Variants in SIAH3 observed in about 807,000 individuals in gnomAD.
SIAH3 encodes the protein siah E3 ubiquitin protein ligase family member 3, also known as seven in absentia homolog 3.
In SIAH3, 9 loss-of-function variants were observed where a neutral mutation model predicts 12.6. That is an observed-to-expected ratio of 0.72 (90% CI 0.43 to 1.25). The LOEUF (loss-of-function observed/expected upper bound fraction) is 1.25, where lower values mean the gene tolerates loss of function less well. Among genes scored for constraint, SIAH3 ranks in the 50% most tolerant of loss-of-function variants. The pLI, the probability that SIAH3 is intolerant of heterozygous loss-of-function variation, is 0.00. For synonymous variants in SIAH3, 154 were observed against 151.1 expected (o/e 1.02, Z -0.14); for missense variants, 390 against 365.4 (o/e 1.07, Z -0.55).
intron 1 of SIAH3, among the ~76,000 whole-genome samples, chr13:45,848,210 C>G (rs1348636482): frequency 1.3e-5 from 2 of 152,144 alleles, no homozygotes; most frequent in African/African-American, 4.8e-5. Context: ...AGAGCTGGCT[C>G]CTTGACGGTC....
At chr13:45,789,167 G>C (rs1342865277) in intron 1 of SIAH3, among the ~76,000 whole-genome samples, 5 of 152,158 alleles carry the variant, frequency 3.3e-5, no homozygotes, top group Non-Finnish European at 7.3e-5. Flanking sequence ...ACAACAGTAA[G>C]GCTTTTACCA....
intron 1 of SIAH3, among the ~76,000 whole-genome samples, chr13:45,792,840 T>C (rs9534215): frequency 0.46 from 70,115 of 152,052 alleles, 17,192 homozygotes; most frequent in Non-Finnish European, 0.56. Flanking sequence ...CTGCCCTGTC[T>C]CTATTCTTTG....
chr13:45,806,321 C>T lies in SIAH3; in HGVS notation c.136-22264G>A, dbSNP rs536670229. On this transcript the variant is annotated intron_variant, in intron 1 of 1. Transcript: ENST00000400405. Reference sequence around the variant, plus strand: ...GCAAAGACATGGAATCAACCCAGGTCCCCATCAATGGTGGACTGGATAAAG... The same window carrying T: ...GCAAAGACATGGAATCAACCCAGGTTCCCATCAATGGTGGACTGGATAAAG... 4.6e-5 allele frequency among the ~76,000 whole-genome samples: 7 copies of T among 152,196 alleles called. No individual in the cohort carries two copies. In the East Asian group the frequency reaches 1.2e-3, roughly 25 times the overall value.
chr13:45,851,368 G>T, intron 1 of SIAH3, 127 bp downstream of exon 1: 1 of 1,300,250 alleles, frequency 7.7e-7, no homozygotes, highest in Non-Finnish European at 1.1e-6. Context: ...CCGGGTTCCA[G>T]ACACCGTCCC....
intron 1 of SIAH3, 136 bp downstream of exon 1, chr13:45,851,359 C>T (rs1950780988): frequency 3.4e-6 from 4 of 1,161,748 alleles, no homozygotes; most frequent in Non-Finnish European, 3.7e-6. Context: ...GCAAACACGC[C>T]GGGTTCCAGA....
At chr13:45,820,925 C>T (rs1440065907) in intron 1 of SIAH3, among the ~76,000 whole-genome samples, 6 of 152,342 alleles carry the variant, frequency 3.9e-5, no homozygotes, top group East Asian at 1.9e-4. Context: ...TCCCCACCTC[C>T]GTCCTCCCCA....
intron 1 of SIAH3, among the ~76,000 whole-genome samples, chr13:45,798,349 G>A (rs1317974635): frequency 2.6e-5 from 4 of 152,154 alleles, no homozygotes; most frequent in Admixed American, 6.5e-5. Flanking sequence ...ATCACGCAAC[G>A]AATATAAATT....
chr13:45,812,453 T>A (rs571749876), intron 1 of SIAH3, among the ~76,000 whole-genome samples: 8,870 of 152,228 alleles, frequency 0.058, 879 homozygotes, highest in African/African-American at 0.2. Flanking sequence ...GAGGTTAAAA[T>A]TAGTGCCTGC....
At chr13:45,810,532 A>G (rs1950612964) in intron 1 of SIAH3, among the ~76,000 whole-genome samples, 1 of 152,130 alleles carries the variant, frequency 6.6e-6, no homozygotes, top group South Asian at 2.1e-4. Context: ...GGAAATAGAA[A>G]AATGTGGTGA....
chr13:45,839,603 T>C (rs998993332), intron 1 of SIAH3, among the ~76,000 whole-genome samples: 11 of 152,142 alleles, frequency 7.2e-5, no homozygotes, highest in Middle Eastern at 3.4e-3. Flanking sequence ...GAGGCCAAGG[T>C]GGGTGGATCA....
chr13:45,837,361 C>T (rs1950721378), intron 1 of SIAH3, among the ~76,000 whole-genome samples: 1 of 152,066 alleles, frequency 6.6e-6, no homozygotes, highest in Admixed American at 6.6e-5. Flanking sequence ...TTCTCATTCC[C>T]AGAGGTTCTT....
chr13:45,835,508 C>A (rs539382199), intron 1 of SIAH3, among the ~76,000 whole-genome samples: 1 of 152,290 alleles, frequency 6.6e-6, no homozygotes, highest in East Asian at 1.9e-4. Flanking sequence ...ATTATATTAA[C>A]TCATTTAGTC....
Position 45,783,578 on chromosome 13 carries a change from G to A in SIAH3, c.615C>T (p.Leu205=). ...QADCFTYRLE[L]NRNHRRLKWE... ...ACTTGAGGCGCCGATGGTTTCTGTT[G>A]AGCTCCAGGCGATAGGTGAAGCAGT... Residue 205 remains leucine (L), a synonymous_variant, in exon 2 of 2, where the codon CTC becomes CTT. Transcript: ENST00000400405. 2 of 1,614,210 alleles carry A rather than the reference G, an allele frequency of 1.2e-6. No individual in the cohort carries two copies. Among genetic ancestry groups the A allele is most frequent in the South Asian group, 1.1e-5 (1 of 91,082 alleles).
intron 1 of SIAH3, among the ~76,000 whole-genome samples, chr13:45,800,616 T>C (rs934599688): frequency 1.3e-5 from 2 of 152,194 alleles, no homozygotes; most frequent in African/African-American, 4.8e-5. Context: ...CAGCCAGGCC[T>C]TATTCGCTGA....
intron 1 of SIAH3, among the ~76,000 whole-genome samples, chr13:45,820,576 T>C (rs1416099186): frequency 1.3e-5 from 2 of 152,186 alleles, no homozygotes; most frequent in Non-Finnish European, 2.9e-5. Flanking sequence ...TATGGTACGG[T>C]GTGGGTGGTA....
intron 1 of SIAH3, among the ~76,000 whole-genome samples, chr13:45,819,411 G>C (rs377398852): frequency 6.6e-6 from 1 of 152,214 alleles, no homozygotes; most frequent in African/African-American, 2.4e-5. Flanking sequence ...GCTGCACAGT[G>C]TTGGGCATGG....
intron 1 of SIAH3, among the ~76,000 whole-genome samples, chr13:45,796,013 A>T (rs189708893): frequency 6.6e-6 from 1 of 152,376 alleles, no homozygotes; most frequent in African/African-American, 2.4e-5. Flanking sequence ...GTTCAAAAAC[A>T]TATAAAATTG....
chr13:45,832,750 C>G (rs1381697303), intron 1 of SIAH3, among the ~76,000 whole-genome samples: 7 of 152,170 alleles, frequency 4.6e-5, no homozygotes, highest in Admixed American at 3.3e-4. Context: ...GAGCTTCATA[C>G]TATTTTTTAT....
intron 1 of SIAH3, among the ~76,000 whole-genome samples, chr13:45,811,339 C>T (rs1246431922): frequency 6.6e-6 from 1 of 152,140 alleles, no homozygotes; most frequent in South Asian, 2.1e-4. Context: ...TGAATATTTC[C>T]TAACAGAAAT....
Sources: gnomAD v4.1 joint callset for allele counts (sites outside exome capture counted in the v4.1 genomes callset) on GRCh38, gnomAD v4.1.1 for gene constraint, MANE v1.5 for transcripts, NCBI Gene and HGNC (gene_info 2026-07-23, HGNC 2026-07-21) for gene names.